PRKD1: variants seen among roughly 807,000 people sequenced by gnomAD.
PRKD1 encodes the protein serine/threonine-protein kinase D1.
A neutral mutation model predicts 95.9 loss-of-function variants in PRKD1; 63 were observed. That is an observed-to-expected ratio of 0.66 (90% CI 0.54 to 0.81). PRKD1 has a LOEUF of 0.81. Among genes scored for constraint, PRKD1 ranks in the 30% least tolerant of loss-of-function variants. The pLI, the probability that PRKD1 is intolerant of heterozygous loss-of-function variation, is 0.00. For synonymous variants in PRKD1, 425 were observed against 423.1 expected, an observed-to-expected ratio of 1.00 and a Z score of -0.05; for missense variants, 1,048 against 1,165.3, an observed-to-expected ratio of 0.90 and a Z score of 1.47.
intron 2 of PRKD1, among the ~76,000 whole-genome samples, chr14:29,696,116 C>T (rs1300511881): frequency 6.6e-6 from 1 of 152,054 alleles, no homozygotes. Flanking sequence ...TTCAGCAAAT[C>T]GCATGTTAGA....
chr14:29,782,597 C>A (rs1349927904), intron 1 of PRKD1, among the ~76,000 whole-genome samples: 10 of 152,164 alleles, frequency 6.6e-5, no homozygotes, highest in Non-Finnish European at 1.5e-5. Flanking sequence ...GTGGTGCTAT[C>A]ATGGGTCACT....
At chr14:29,761,780 C>CT (rs751775466) in intron 1 of PRKD1, among the ~76,000 whole-genome samples, 17,830 of 135,044 alleles carry the variant, frequency 0.13, 1,309 homozygotes, top group East Asian at 0.2. Flanking sequence ...GATGTTCTTT[C>CT]TTTTTTTTTT....
At chr14:29,719,295 A>G (rs1416402874) in intron 2 of PRKD1, among the ~76,000 whole-genome samples, 1 of 152,154 alleles carries the variant, frequency 6.6e-6, no homozygotes, top group Admixed American at 6.6e-5. Context: ...AAGAACCTTC[A>G]GGGTTTTCTT....
intron 2 of PRKD1, among the ~76,000 whole-genome samples, chr14:29,671,011 G>A (rs964315892): frequency 3.9e-5 from 6 of 152,030 alleles, no homozygotes; most frequent in Non-Finnish European, 7.4e-5. Context: ...TTGTTAGTGA[G>A]GTGCAATGAT....
chr14:29,875,838 C>T (rs1401519132), intron 1 of PRKD1, among the ~76,000 whole-genome samples: 1 of 152,080 alleles, frequency 6.6e-6, no homozygotes, highest in Non-Finnish European at 1.5e-5. Context: ...TCCACATTTC[C>T]CCAGTAACAC....
intron 2 of PRKD1, among the ~76,000 whole-genome samples, chr14:29,700,443 C>T (rs1177812995): frequency 6.6e-6 from 1 of 152,140 alleles, no homozygotes; most frequent in Non-Finnish European, 1.5e-5. Context: ...GCTGCTGACA[C>T]GTAGAAGAAG....
intron 1 of PRKD1, among the ~76,000 whole-genome samples, chr14:29,759,135 T>C (rs1887850520): frequency 6.6e-6 from 1 of 152,204 alleles, no homozygotes; most frequent in African/African-American, 2.4e-5. Flanking sequence ...TTCTGTGGTG[T>C]TGTACAATCA....
intron 2 of PRKD1, among the ~76,000 whole-genome samples, chr14:29,687,560 G>A (rs1014178476): frequency 1.3e-5 from 2 of 152,180 alleles, no homozygotes; most frequent in Admixed American, 6.5e-5. Context: ...TGTCTGGAAG[G>A]GGGGCCTGAA....
At chr14:29,692,222 T>TTA (rs1555336099) in intron 2 of PRKD1, among the ~76,000 whole-genome samples, 1 of 150,860 alleles carries the variant, frequency 6.6e-6, no homozygotes, top group Admixed American at 6.6e-5. Flanking sequence ...TTTTTTTTTT[T>TTA]AAATATAGAG....
intron 1 of PRKD1, among the ~76,000 whole-genome samples, chr14:29,794,324 G>A (rs891465926): frequency 4.0e-5 from 6 of 151,450 alleles, no homozygotes; most frequent in African/African-American, 4.8e-5. Context: ...ATGTAAATTC[G>A]TGAAGTAAAC....
At chr14:29,737,062 C>T (rs1225662910) in intron 1 of PRKD1, among the ~76,000 whole-genome samples, 1 of 151,958 alleles carries the variant, frequency 6.6e-6, no homozygotes, top group East Asian at 1.9e-4. Context: ...GTGGCTCACG[C>T]CTGTAATCCC....
intron 1 of PRKD1, among the ~76,000 whole-genome samples, chr14:29,742,670 G>A (rs2877987): frequency 0.18 from 27,253 of 152,082 alleles, 2,510 homozygotes; most frequent in South Asian, 0.24. Context: ...TTAGGATACC[G>A]TAAAAAATGA....
At chr14:29,698,788 T>C (rs1208116250) in intron 2 of PRKD1, among the ~76,000 whole-genome samples, 3 of 152,064 alleles carry the variant, frequency 2.0e-5, no homozygotes, top group Admixed American at 2.0e-4. Flanking sequence ...CAAAAATCAA[T>C]AGCATCCAGG....
chr14:29,909,748 A>AG (rs1894636649), intron 1 of PRKD1, among the ~76,000 whole-genome samples: 1 of 152,032 alleles, frequency 6.6e-6, no homozygotes, highest in African/African-American at 2.4e-5. Context: ...AGCACTCTGT[A>AG]GCTAGCTAAT....
At chr14:29,820,243 G>T (rs1890859916) in intron 1 of PRKD1, among the ~76,000 whole-genome samples, 1 of 152,180 alleles carries the variant, frequency 6.6e-6, no homozygotes, top group South Asian at 2.1e-4. Context: ...TTTATTTAAT[G>T]CCTACTATGT....
chr14:29,718,137 C>G (rs1885715647), intron 2 of PRKD1, among the ~76,000 whole-genome samples: 1 of 152,100 alleles, frequency 6.6e-6, no homozygotes, highest in Non-Finnish European at 1.5e-5. Context: ...GAAATTAAAA[C>G]CAGGTTGATA....
At chr14:29,908,974 C>A (rs1269334358) in intron 1 of PRKD1, among the ~76,000 whole-genome samples, 1 of 152,178 alleles carries the variant, frequency 6.6e-6, no homozygotes, top group Non-Finnish European at 1.5e-5. Context: ...CTGGCTCCCT[C>A]TGCTTGCAGT....
intron 1 of PRKD1, among the ~76,000 whole-genome samples, chr14:29,865,793 T>G (rs942123329): frequency 6.6e-6 from 1 of 152,212 alleles, no homozygotes; most frequent in African/African-American, 2.4e-5. Flanking sequence ...GTCTCTGTGC[T>G]GCTTTCTGGC....
intron 4 of PRKD1, among the ~76,000 whole-genome samples, chr14:29,642,010 T>C (rs1314916599): frequency 6.6e-6 from 1 of 151,678 alleles, no homozygotes; most frequent in Non-Finnish European, 1.5e-5. Flanking sequence ...TTCAAATGAT[T>C]CTCCTGCCTC....
Sources: gnomAD v4.1 joint callset for allele counts (sites outside exome capture counted in the v4.1 genomes callset) on GRCh38, gnomAD v4.1.1 for gene constraint, MANE v1.5 for transcripts, NCBI Gene and HGNC (gene_info 2026-07-23, HGNC 2026-07-21) for gene names.